The following RUFY1 variants were observed in gnomAD, a reference collection of about 807,000 sequenced individuals.
RUFY1 encodes the protein RUN and FYVE domain containing 1.
A neutral mutation model predicts 94.6 loss-of-function variants in RUFY1; 54 were observed. The observed-to-expected ratio is 0.57, with a 90% confidence interval of 0.46 to 0.72. The LOEUF (loss-of-function observed/expected upper bound fraction) is 0.72, where lower values mean the gene tolerates loss of function less well. Ranked by LOEUF, RUFY1 falls within the 30% of genes least tolerant of loss-of-function variation. The pLI, the probability that RUFY1 is intolerant of heterozygous loss-of-function variation, is 0.00. For synonymous variants in RUFY1, 396 were observed against 347.3 expected, an observed-to-expected ratio of 1.14 and a Z score of -1.56; for missense variants, 883 against 883.9, an observed-to-expected ratio of 1.00 and a Z score of 0.01.
rs1554112879 is a variant in RUFY1, at chr5:179,550,715, A to G, written c.146A>G (p.Asp49Gly). 2 of 1,486,968 alleles carry G rather than the reference A, an allele frequency of 1.3e-6. No individual in the cohort carries two copies. The highest frequency in any genetic ancestry group is 1.8e-6 in the Non-Finnish European group (2 of 1,123,582). The allele number at this position is 1,486,968 out of a possible 1,614,324, so 92.1% of individuals were successfully genotyped here. A position where few individuals can be genotyped will look rare whatever the true frequency, so the allele number is the denominator to read the frequency against. ...CGAAGCCAGCTGCCCGGCCCAGGCGACCTGCGGAGCGCAACGAGGCCGCGG... is the reference window on the plus strand; with the variant it reads ...CGAAGCCAGCTGCCCGGCCCAGGCGGCCTGCGGAGCGCAACGAGGCCGCGG... ...VDRSQLPGPG[D>G]LRSATRPRAA... Residue 49 changes from aspartate to glycine, a missense_variant, in exon 1 of 18, where the codon GAC (aspartate) becomes GGC (glycine). By Grantham distance (94) the Asp-to-Gly change is moderately conservative (BLOSUM62 -1). Transcript: ENST00000319449.
At chr5:179,609,016 G>A (rs765712095) in intron 17 of RUFY1, among the ~76,000 whole-genome samples, 4 of 151,292 alleles carry the variant, frequency 2.6e-5, no homozygotes, top group African/African-American at 9.7e-5. Flanking sequence ...TCAGGAGATC[G>A]AGACCATCCT....
intron 17 of RUFY1, 30 bp from the exon 18 acceptor site, chr5:179,609,346 T>A (rs528142851): frequency 6.2e-7 from 1 of 1,607,272 alleles, no homozygotes; most frequent in African/African-American, 1.3e-5. Context: ...TCCCCGGGTG[T>A]CCTGTGACCG....
At chr5:179,576,185 A>C (rs1763597990) in intron 5 of RUFY1, among the ~76,000 whole-genome samples, 1 of 152,200 alleles carries the variant, frequency 6.6e-6, no homozygotes, top group Non-Finnish European at 1.5e-5. Context: ...CTATTGATGA[A>C]CATTTAGGGT....
intron 17 of RUFY1, chr5:179,608,347 G>A: frequency 1.0e-6 from 1 of 985,716 alleles, no homozygotes; most frequent in Non-Finnish European, 1.2e-6. Context: ...CGAGTTTCAG[G>A]CAGTGCCTTG....
In RUFY1 at chr5:179,550,895, G is replaced by C; in HGVS notation, c.310+16G>C. ...GCGCGCGCAGGTAGGCTCGGGCCGGGTCTGTCCCGCGGCGGACTCGCGTGT... is the reference window on the plus strand; with the variant it reads ...GCGCGCGCAGGTAGGCTCGGGCCGGCTCTGTCCCGCGGCGGACTCGCGTGT... On this transcript the variant is annotated intron_variant, in intron 1 of 17. Transcript: ENST00000319449. 1 of 1,130,398 alleles carries C rather than the reference G, an allele frequency of 8.8e-7. No individual in the cohort carries two copies. The highest frequency in any genetic ancestry group is 1.1e-6 in the Non-Finnish European group (1 of 924,710). 70.0% of individuals were successfully genotyped at this position (1,130,398 alleles called of 1,614,324 possible). A position where few individuals can be genotyped will look rare whatever the true frequency, so the allele number is the denominator to read the frequency against.
intron 14 of RUFY1, chr5:179,599,928 C>T (rs1190389387): frequency 6.6e-6 from 1 of 152,234 alleles, no homozygotes. Context: ...CAGGAAAGGC[C>T]CTTTTGATTT....
intron 2 of RUFY1, among the ~76,000 whole-genome samples, chr5:179,562,184 C>T (rs1762510228): frequency 6.6e-6 from 1 of 151,752 alleles, no homozygotes; most frequent in African/African-American, 2.4e-5. Context: ...GAGGCCGAGG[C>T]GGGCAGATCA....
intron 13 of RUFY1, chr5:179,598,250 C>T (rs1765884831): frequency 6.1e-6 from 1 of 165,286 alleles, no homozygotes; most frequent in African/African-American, 2.4e-5. Context: ...GTAATCTCTG[C>T]ACCTTGGGAA....
intron 13 of RUFY1, among the ~76,000 whole-genome samples, chr5:179,597,954 G>T (rs1737692285): frequency 1.3e-5 from 2 of 152,146 alleles, no homozygotes; most frequent in African/African-American, 4.8e-5. Context: ...CTTTTGGGAG[G>T]CCGAGGCAGG....
intron 16 of RUFY1, chr5:179,606,813 CTCTAGCTCAG>C (rs1767133866): frequency 6.6e-6 from 1 of 152,392 alleles, no homozygotes; most frequent in Admixed American, 6.5e-5. Flanking sequence ...GGGTATATGG[CTCTAGCTCAG>C]TCTGTGAGGA....
chr5:179,607,284 A>C, intron 16 of RUFY1: 2 of 421,398 alleles, frequency 4.7e-6, no homozygotes, highest in Non-Finnish European at 8.7e-6. Context: ...GCCAAAGGGA[A>C]CTGATTGAAA....
rs530348200 is a variant in RUFY1 at position 179,581,082 on chromosome 5, G to A, written c.956+70G>A. ...TCCTGTCATTGCTTCATGGAACTTC[G>A]AGTTGCCACGTATTTATAAATAACT... is the stretch of plus-strand genomic sequence containing the variant. On this transcript the variant is annotated intron_variant, in intron 7 of 17. Coordinates refer to ENST00000319449, the MANE Select transcript of RUFY1 (RefSeq NM_025158.5). 1.2e-4 allele frequency: 106 copies of A among 889,390 alleles called. 1 individual carries two copies. Among genetic ancestry groups the A allele is most frequent in the South Asian group, 1.2e-3 (78 of 65,706 alleles). 55.1% of individuals were successfully genotyped at this position (889,390 alleles called of 1,614,324 possible).
intron 16 of RUFY1, chr5:179,607,149 C>T: frequency 4.8e-6 from 1 of 208,004 alleles, no homozygotes; most frequent in Non-Finnish European, 9.9e-6. Flanking sequence ...TCAGCGTCAA[C>T]AAGTGTCTTA....
intron 14 of RUFY1, chr5:179,599,335 A>T (rs988609711): frequency 6.5e-6 from 1 of 153,088 alleles, no homozygotes; most frequent in South Asian, 2.1e-4. Flanking sequence ...TCCTGTGTGG[A>T]GAGTGGGTGG....
At chr5:179,562,701 A>T (rs200176423) in intron 3 of RUFY1, 37 bp downstream of exon 3, 5 of 1,084,282 alleles carry the variant, frequency 4.6e-6, no homozygotes, top group Admixed American at 1.8e-5. Flanking sequence ...TGATGATTTT[A>T]AAAACTCCCT....
intron 17 of RUFY1, among the ~76,000 whole-genome samples, chr5:179,609,100 A>T (rs954261748): frequency 3.1e-4 from 45 of 145,878 alleles, no homozygotes; most frequent in Admixed American, 1.3e-3. Context: ...GCACCTGTAG[A>T]CCCAGCTACT....
chr5:179,596,987 T>C, intron 13 of RUFY1: 1 of 345,076 alleles, frequency 2.9e-6, no homozygotes, highest in East Asian at 4.9e-5. Flanking sequence ...TTTGTCAGTG[T>C]TGAACAGAAA....
In RUFY1 at chr5:179,577,859, C is replaced by CAAA. The variant is rs35539667; in HGVS notation, c.890+742_890+744dup. Among the ~76,000 whole-genome samples, 136 of 134,322 alleles carry CAAA rather than the reference C, an allele frequency of 1.0e-3. 2 individuals are homozygous for CAAA. Among genetic ancestry groups the CAAA allele is most frequent in the Middle Eastern group, 3.7e-3 (1 of 270 alleles). The allele number at this position is 134,322 out of a possible 152,430, so 88.1% of individuals were successfully genotyped here. ...CGGGTAATGAGGCTCTTCTCTGCAG[C>CAAA]AAAAAAAAAAAAAAAAAAAAATTCT... On this transcript the variant is annotated intron_variant, in intron 6 of 17. Coordinates refer to ENST00000319449, the MANE Select transcript of RUFY1 (RefSeq NM_025158.5).
At chr5:179,600,377 C>A (rs1021897995) in intron 14 of RUFY1, among the ~76,000 whole-genome samples, 2 of 152,184 alleles carry the variant, frequency 1.3e-5, no homozygotes, top group African/African-American at 2.4e-5. Context: ...AGTGCCGTTG[C>A]CCCCTGGGGA....
Sources: gnomAD v4.1 joint callset for allele counts (sites outside exome capture counted in the v4.1 genomes callset) on GRCh38, gnomAD v4.1.1 for gene constraint, MANE v1.5 for transcripts, NCBI Gene and HGNC (gene_info 2026-07-23, HGNC 2026-07-21) for gene names.